Variants in GCNT2 observed in about 807,000 individuals in gnomAD.
The protein encoded by GCNT2 is N-acetyllactosaminide beta-1,6-N-acetylglucosaminyl-transferase.
Under a neutral mutation model 34.2 loss-of-function variants are expected in GCNT2, and 34 were observed. The ratio of observed to expected loss-of-function variants is 1.00; its 90% confidence interval spans 0.76 to 1.32. The LOEUF is 1.32. Ranked by LOEUF, GCNT2 falls within the 40% of genes most tolerant of loss-of-function variation. GCNT2 has a pLI of 0.00. For missense variants in GCNT2, 584 were observed against 489.4 expected (o/e 1.19, Z -1.82); for synonymous variants, 212 against 188.0 (o/e 1.13, Z -1.04).
Position 10,627,370 on chromosome 6 carries a change from G to A in GCNT2, c.*763G>A, listed in dbSNP as rs1766304841. On this transcript the variant is annotated 3_prime_UTR_variant, in exon 5 of 5. Coordinates refer to ENST00000495262, the MANE Select transcript of GCNT2 (RefSeq NM_145649.5). Reference sequence around the variant, plus strand: ...CAAGAATGGAGATATGCATTCAAGAGAGGTGCTATCACATAGATCTAGTCT... The same window carrying A: ...CAAGAATGGAGATATGCATTCAAGAAAGGTGCTATCACATAGATCTAGTCT... 6.6e-6 allele frequency: 1 copy of A among 152,240 alleles called. No individual in the cohort carries two copies. The highest frequency in any genetic ancestry group is 2.1e-4 in the South Asian group (1 of 4,832). The allele number at this position is 152,240 out of a possible 1,614,324, so 9.4% of individuals were successfully genotyped here.
chr6:10,546,192 T>G (rs1561790629), intron 3 of GCNT2, among the ~76,000 whole-genome samples: 1 of 152,174 alleles, frequency 6.6e-6, no homozygotes, highest in Non-Finnish European at 1.5e-5. Context: ...CCAGGACAGT[T>G]GAAGCCGTTT....
chr6:10,582,206 T>TATA lies in GCNT2; in HGVS notation c.926-39145_926-39144insATA, dbSNP rs1561816066. Among the ~76,000 whole-genome samples, 558 of 116,384 alleles carry TATA rather than the reference T, an allele frequency of 4.8e-3. 6 individuals carry two copies. Among genetic ancestry groups the TATA allele is most frequent in the African/African-American group, 0.015 (480 of 32,016 alleles). The allele number at this position is 116,384 out of a possible 152,430, so 76.4% of individuals were successfully genotyped here. A position where few individuals can be genotyped will look rare whatever the true frequency, so the allele number is the denominator to read the frequency against. ...ATATATTTTTATATAATATATAAAA[T>TATA]TTATTATATATATAATTATATATAT... On this transcript the variant is annotated intron_variant, in intron 3 of 4. Transcript: ENST00000495262.
intron 3 of GCNT2, among the ~76,000 whole-genome samples, chr6:10,545,516 C>T (rs1762230673): frequency 1.3e-5 from 2 of 152,136 alleles, no homozygotes; most frequent in Non-Finnish European, 2.9e-5. Context: ...AACTGTGTCT[C>T]TTTCTAGTAT....
intron 3 of GCNT2, among the ~76,000 whole-genome samples, chr6:10,533,800 C>CAAAAAA (rs869274003): frequency 2.3e-5 from 1 of 43,374 alleles, no homozygotes; most frequent in Non-Finnish European, 4.0e-5. Context: ...GACTCTGTCT[C>CAAAAAA]AAAAAAAAAA....
chr6:10,573,375 C>A, intron 3 of GCNT2: 2 of 811,382 alleles, frequency 2.5e-6, no homozygotes, highest in Non-Finnish European at 3.0e-6. Context: ...TTTGCTTGGG[C>A]ATTTAGTGTT....
chr6:10,531,468 T>C (rs1463281836), intron 3 of GCNT2, among the ~76,000 whole-genome samples: 1 of 152,236 alleles, frequency 6.6e-6, no homozygotes, highest in Non-Finnish European at 1.5e-5. Context: ...AGCCAGGGCC[T>C]GTTTCCCTCC....
chr6:10,602,890 G>T (rs1394775496), intron 3 of GCNT2, among the ~76,000 whole-genome samples: 1 of 152,124 alleles, frequency 6.6e-6, no homozygotes, highest in Non-Finnish European at 1.5e-5. Flanking sequence ...GGCAAACTGT[G>T]TTCTATTGAT....
At chr6:10,554,367 G>A (rs1356315031) in intron 3 of GCNT2, among the ~76,000 whole-genome samples, 1 of 152,112 alleles carries the variant, frequency 6.6e-6, no homozygotes, top group East Asian at 1.9e-4. Flanking sequence ...GATTGAGTAC[G>A]GAAGTATTAC....
chr6:10,623,483 G>A (rs1766132582), intron 4 of GCNT2, among the ~76,000 whole-genome samples: 2 of 151,826 alleles, frequency 1.3e-5, no homozygotes, highest in South Asian at 4.2e-4. Context: ...GTAGAGACGG[G>A]GTTTCACCAT....
intron 3 of GCNT2, among the ~76,000 whole-genome samples, chr6:10,574,204 C>G (rs1290322589): frequency 6.6e-6 from 1 of 152,128 alleles, no homozygotes; most frequent in Non-Finnish European, 1.5e-5. Flanking sequence ...TCTGACTGCC[C>G]TGGCATATCT....
At chr6:10,549,745 A>G (rs1307066756) in intron 3 of GCNT2, among the ~76,000 whole-genome samples, 1 of 151,726 alleles carries the variant, frequency 6.6e-6, no homozygotes, top group Non-Finnish European at 1.5e-5. Context: ...CCGTCTTCGA[A>G]TTCAGCTTAT....
At chr6:10,624,991 C>CT (rs1766196109) in intron 4 of GCNT2, among the ~76,000 whole-genome samples, 1 of 152,220 alleles carries the variant, frequency 6.6e-6, no homozygotes, top group South Asian at 2.1e-4. Flanking sequence ...ACTTCCATTT[C>CT]TTTAAGCGTG....
intron 3 of GCNT2, among the ~76,000 whole-genome samples, chr6:10,581,401 G>A (rs1474459269): frequency 1.3e-5 from 2 of 152,072 alleles, no homozygotes; most frequent in Non-Finnish European, 2.9e-5. Flanking sequence ...CTCCCTCGTA[G>A]CTGGGATTAC....
chr6:10,565,306 T>G (rs1331140127), intron 3 of GCNT2, among the ~76,000 whole-genome samples: 1 of 152,032 alleles, frequency 6.6e-6, no homozygotes, highest in Non-Finnish European at 1.5e-5. Flanking sequence ...GAATAAACAC[T>G]CAGCAAAATG....
Position 10,529,555 on chromosome 6 carries a change from T to A in GCNT2, c.644T>A (p.Ile215Asn), listed in dbSNP as rs564014638. Reference protein sequence around the residue: ...QYLKGFKGKNITPGVLPPDHA... With the variant: ...QYLKGFKGKNNTPGVLPPDHA... ...CTGAAGGGATTTAAAGGGAAAAATA[T>A]CACCCCCGGAGTGCTGCCTCCTGAC... The change falls in exon 3 of 5, where the codon ATC becomes AAC. Residue 215 changes from isoleucine to asparagine, a missense_variant. Physicochemically the swap from Ile to Asn is moderately radical, Grantham distance 149. Transcript: ENST00000495262. 6 of 1,614,108 alleles carry A rather than the reference T, an allele frequency of 3.7e-6. No individual in the cohort carries two copies. The highest frequency in any genetic ancestry group is 1.3e-5 in the African/African-American group (1 of 75,040).
intron 3 of GCNT2, among the ~76,000 whole-genome samples, chr6:10,603,577 G>T (rs1453869947): frequency 1.3e-5 from 2 of 152,140 alleles, no homozygotes; most frequent in Admixed American, 1.3e-4. Context: ...GTGCAGTGGT[G>T]CAATCTCAGC....
intron 3 of GCNT2, chr6:10,586,821 C>G (rs1272491433): frequency 1.9e-6 from 3 of 1,613,774 alleles, no homozygotes; most frequent in South Asian, 1.1e-5. Flanking sequence ...CGACTTTGTT[C>G]TACGTGACCA....
intron 3 of GCNT2, among the ~76,000 whole-genome samples, chr6:10,611,338 T>C (rs1440773070): frequency 1.5e-4 from 23 of 149,838 alleles, no homozygotes; most frequent in African/African-American, 4.9e-4. Flanking sequence ...TTCTTTCTTT[T>C]TTTTTTTTTT....
chr6:10,570,470 G>T (rs566810204), intron 3 of GCNT2, among the ~76,000 whole-genome samples: 15 of 152,300 alleles, frequency 9.8e-5, no homozygotes, highest in Non-Finnish European at 1.5e-5. Flanking sequence ...AATATTGGAG[G>T]ATACAACTTC....
Sources: allele counts gnomAD v4.1 joint callset (sites outside exome capture counted in the v4.1 genomes callset), GRCh38; gene constraint gnomAD v4.1.1; transcripts MANE v1.5; gene names NCBI Gene and HGNC (gene_info 2026-07-23, HGNC 2026-07-21).